C1orf21: variants seen among roughly 807,000 people sequenced by gnomAD.
The protein encoded by C1orf21 is chromosome 1 open reading frame 21, also known as uncharacterized protein C1orf21.
C1orf21 carries 3 observed loss-of-function variants against 18.7 expected under a neutral mutation model. The ratio of observed to expected loss-of-function variants is 0.16; its 90% CI spans 0.07 to 0.42. The LOEUF (loss-of-function observed/expected upper bound fraction) is 0.42. Among genes scored for constraint, C1orf21 ranks in the 10% least tolerant of loss-of-function variants. The pLI is 0.99. For synonymous variants in C1orf21, 41 were observed against 46.4 expected, an observed-to-expected ratio of 0.88 and a Z score of 0.47; for missense variants, 104 against 143.6, an observed-to-expected ratio of 0.72 and a Z score of 1.41.
chr1:184,458,984 C>T (rs1243752115), intron 1 of C1orf21, among the ~76,000 whole-genome samples: 1 of 152,160 alleles, frequency 6.6e-6, no homozygotes, highest in Non-Finnish European at 1.5e-5. Context: ...TGTGTCTTTT[C>T]ATAAAGCAGT....
chr1:184,397,724 T>C (rs541151606), intron 1 of C1orf21, among the ~76,000 whole-genome samples: 7 of 152,340 alleles, frequency 4.6e-5, no homozygotes, highest in Admixed American at 2.6e-4. Context: ...GTATAACTTA[T>C]GCGAGCACCC....
intron 2 of C1orf21, among the ~76,000 whole-genome samples, chr1:184,496,645 C>G (rs1051968531): frequency 1.3e-5 from 2 of 152,180 alleles, no homozygotes; most frequent in South Asian, 4.1e-4. Context: ...TAACTCAGGC[C>G]TTCAAACACA....
At chr1:184,573,363 C>T (rs1047344923) in intron 3 of C1orf21, among the ~76,000 whole-genome samples, 7 of 152,154 alleles carry the variant, frequency 4.6e-5, no homozygotes, top group African/African-American at 1.7e-4. Flanking sequence ...AATTCTCAAT[C>T]ACTTAAAATG....
Position 184,481,523 on chromosome 1 carries a change from CA to C in C1orf21, c.94+3922del, listed in dbSNP as rs1180416320. 7.2e-5 allele frequency among the ~76,000 whole-genome samples: 11 copies of C among 152,234 alleles called. No individual in the cohort carries two copies. In the South Asian group the frequency reaches 2.1e-3, roughly 29 times the overall value. On this transcript the variant is annotated intron_variant, in intron 2 of 5. Coordinates refer to ENST00000235307, the MANE Select transcript of C1orf21 (RefSeq NM_030806.4). ...CACTCTGACCACAGTGCATTTACAG[CA>C]AGGGTATAGGTGCAGGGAGGGTCAA...
intron 2 of C1orf21, among the ~76,000 whole-genome samples, chr1:184,498,787 A>G (rs1214599744): frequency 6.6e-6 from 1 of 152,236 alleles, no homozygotes; most frequent in Non-Finnish European, 1.5e-5. Context: ...TGTAATGGAT[A>G]TCAGTATACA....
intron 1 of C1orf21, among the ~76,000 whole-genome samples, chr1:184,449,138 G>A (rs978535832): frequency 3.3e-5 from 5 of 151,988 alleles, no homozygotes; most frequent in Admixed American, 6.6e-5. Flanking sequence ...CCATGTTGGT[G>A]TGCTGCACCC....
chr1:184,426,461 C>A (rs1425341719), intron 1 of C1orf21, among the ~76,000 whole-genome samples: 3 of 152,124 alleles, frequency 2.0e-5, no homozygotes, highest in South Asian at 2.1e-4. Context: ...TGAGCGAGAC[C>A]CACCCACCTC....
intron 1 of C1orf21, among the ~76,000 whole-genome samples, chr1:184,475,211 A>G (rs1264135226): frequency 6.6e-6 from 1 of 152,146 alleles, no homozygotes; most frequent in Admixed American, 6.5e-5. Flanking sequence ...ATATTTTCTC[A>G]CAGTGTGCTC....
chr1:184,534,740 C>T (rs759250290), intron 3 of C1orf21, among the ~76,000 whole-genome samples: 1 of 151,980 alleles, frequency 6.6e-6, no homozygotes, highest in South Asian at 2.1e-4. Flanking sequence ...GAATGGGGCA[C>T]GGGTACATGA....
intron 3 of C1orf21, among the ~76,000 whole-genome samples, chr1:184,577,953 G>GTTT (rs1257021237): frequency 6.4e-5 from 7 of 108,944 alleles, no homozygotes; most frequent in South Asian, 2.9e-4. Context: ...TTTTGTTTTT[G>GTTT]TTTTTTTTTT....
intron 1 of C1orf21, among the ~76,000 whole-genome samples, chr1:184,471,924 T>C (rs1472815714): frequency 6.6e-5 from 10 of 152,156 alleles, no homozygotes; most frequent in Non-Finnish European, 1.0e-4. Flanking sequence ...TAGATTATTC[T>C]CATGTCAAAT....
intron 2 of C1orf21, among the ~76,000 whole-genome samples, chr1:184,487,437 A>G (rs967249500): frequency 1.3e-5 from 2 of 152,222 alleles, no homozygotes; most frequent in Admixed American, 1.3e-4. Flanking sequence ...ACTTGATAGA[A>G]GGGGAAACTG....
chr1:184,567,502 T>C, intron 3 of C1orf21: 1 of 536,380 alleles, frequency 1.9e-6, no homozygotes, highest in Non-Finnish European at 3.8e-6. Context: ...GGAAGCTGAG[T>C]GCAGTGAACT....
chr1:184,417,768 C>T (rs543735604), intron 1 of C1orf21, among the ~76,000 whole-genome samples: 2 of 152,358 alleles, frequency 1.3e-5, no homozygotes, highest in Admixed American at 1.3e-4. Context: ...GAGCTTGCCA[C>T]CTCCCATCTT....
intron 3 of C1orf21, among the ~76,000 whole-genome samples, chr1:184,568,951 C>G (rs559248539): frequency 6.6e-6 from 1 of 152,224 alleles, no homozygotes; most frequent in Non-Finnish European, 1.5e-5. Flanking sequence ...ACCACATTAC[C>G]TACTATATAC....
rs188426348 is a variant in C1orf21, at chr1:184,451,710, G to T, written c.-124-25676G>T. On this transcript the variant is annotated intron_variant, in intron 1 of 5. Transcript: ENST00000235307. ...ACGTTTCTCTAAAGACTTAGGCATGGTTGCCTGGAATGCTCAAAAACAAAT... is the reference window on the plus strand; with the variant it reads ...ACGTTTCTCTAAAGACTTAGGCATGTTTGCCTGGAATGCTCAAAAACAAAT... Among the ~76,000 whole-genome samples the T allele has an allele frequency of 6.5e-4, 99 of 152,144 alleles. 1 individual carries two copies. Among genetic ancestry groups the T allele is most frequent in the African/African-American group, 2.3e-3 (95 of 41,516 alleles).
chr1:184,423,461 A>G lies in C1orf21; in HGVS notation c.-125+36093A>G, dbSNP rs113594448. On this transcript the variant is annotated intron_variant, in intron 1 of 5. Transcript: ENST00000235307. ...ATACTGGGATTGCGGCCTTAACTGA[A>G]TAGGCAATGGGGAGCCACTGAGATT... 7.5e-4 allele frequency among the ~76,000 whole-genome samples: 114 copies of G among 152,320 alleles called. 1 individual carries two copies. The highest frequency in any genetic ancestry group is 2.7e-3 in the African/African-American group (111 of 41,570).
intron 2 of C1orf21, among the ~76,000 whole-genome samples, chr1:184,484,883 G>GCT (rs1201617065): frequency 1.2e-3 from 119 of 98,952 alleles, no homozygotes; most frequent in Admixed American, 5.0e-3. Flanking sequence ...GATGCTTGTG[G>GCT]CTGTGTGTGT....
intron 3 of C1orf21, chr1:184,567,029 G>A (rs559823758): frequency 4.1e-5 from 21 of 515,100 alleles, no homozygotes; most frequent in Non-Finnish European, 6.7e-5. Context: ...TTGAAGAGAC[G>A]GGAACATTGT....
Sources: gnomAD v4.1 joint callset for allele counts (sites outside exome capture counted in the v4.1 genomes callset) on GRCh38, gnomAD v4.1.1 for gene constraint, MANE v1.5 for transcripts, NCBI Gene and HGNC (gene_info 2026-07-23, HGNC 2026-07-21) for gene names.